Variants in ZNF490 observed in about 807,000 individuals in gnomAD.
ZNF490 encodes zinc finger protein 490.
Under a neutral mutation model 17.7 loss-of-function variants are expected in ZNF490, and 11 were observed. That is an observed-to-expected ratio of 0.62 (90% CI 0.39 to 1.03). The LOEUF (loss-of-function observed/expected upper bound fraction) is 1.03. Among genes scored for constraint, ZNF490 ranks in the 50% least tolerant of loss-of-function variants. The pLI, the probability that ZNF490 is intolerant of heterozygous loss-of-function variation, is 0.00. For synonymous variants in ZNF490, 222 were observed against 216.1 expected, an observed-to-expected ratio of 1.03 and a Z score of -0.24; for missense variants, 542 against 643.4, an observed-to-expected ratio of 0.84 and a Z score of 1.71.
intron 2 of ZNF490, among the ~76,000 whole-genome samples, chr19:12,583,789 C>CTATATA (rs1568278605): frequency 1.3e-4 from 11 of 87,876 alleles, no homozygotes; most frequent in Non-Finnish European, 1.6e-4. Flanking sequence ...CTCTCTCTCT[C>CTATATA]TCTATATATA....
chr19:12,604,221 A>G (rs758324647), intron 2 of ZNF490, among the ~76,000 whole-genome samples: 1 of 152,244 alleles, frequency 6.6e-6, no homozygotes, highest in Non-Finnish European at 1.5e-5. Flanking sequence ...ATCATTTAAA[A>G]TATCCTTTGT....
chr19:12,577,369 C>T lies in ZNF490; in HGVS notation c.*3116G>A, dbSNP rs775003212. On this transcript the variant is annotated 3_prime_UTR_variant, in exon 5 of 5. Transcript: ENST00000311437. The stretch of plus-strand genomic sequence containing the variant: ...AGATGGCTCCTTGAGCCCATTCTGA[C>T]AGTGAAGGAATCTCGAACTTCCTGA... 1.1e-6 allele frequency: 1 copy of T among 922,880 alleles called. No individual in the cohort carries two copies. Among genetic ancestry groups the T allele is most frequent in the Non-Finnish European group, 1.3e-6 (1 of 772,866 alleles). The allele number at this position is 922,880 out of a possible 1,614,324, so 57.2% of individuals were successfully genotyped here. A position where few individuals can be genotyped will look rare whatever the true frequency, so the allele number is the denominator to read the frequency against.
intron 2 of ZNF490, among the ~76,000 whole-genome samples, chr19:12,594,126 A>C (rs1472552417): frequency 1.3e-5 from 2 of 152,102 alleles, no homozygotes; most frequent in Non-Finnish European, 2.9e-5. Flanking sequence ...TGGACAACTT[A>C]TGGTCATCAT....
At chr19:12,583,754 GCGCT>G (rs1460642031) in intron 2 of ZNF490, among the ~76,000 whole-genome samples, 198 bp from the exon 3 acceptor site, 1,253 of 69,508 alleles carry the variant, frequency 0.018, 20 homozygotes, top group Non-Finnish European at 0.022. Flanking sequence ...AAAAATTATT[GCGCT>G]CTCTCTCTCT....
Position 12,580,820 on chromosome 19 carries a change from C to T in ZNF490, c.1255G>A (p.Glu419Lys), listed in dbSNP as rs73497762. The T allele has an allele frequency of 1.8e-3, 2,881 of 1,614,136 alleles. 31 individuals are homozygous for T. The African/African-American group carries it at 0.026, about 15-fold the overall frequency. ...AAGGCTTTACCACATTCTTTACATT[C>T]GTAAGTTTTCTCGCCAGTGTGAACT... ...ERVHTGEKTY[E>K]CKECGKAFLY... is the part of the protein sequence containing the mutation. Residue 419 changes from glutamate to lysine, a missense_variant, in exon 5 of 5, where the codon GAA (glutamate) becomes AAA (lysine). Transcript: ENST00000311437.
chr19:12,607,736 CAAAA>C (rs34773066), intron 2 of ZNF490, among the ~76,000 whole-genome samples: 2 of 137,056 alleles, frequency 1.5e-5, no homozygotes. Flanking sequence ...ATCCCTGTCT[CAAAA>C]AAAAAAAAAA....
In ZNF490 at chr19:12,598,517, G is replaced by T. The variant is rs138076126; in HGVS notation, c.162+10641C>A. 9.0e-3 allele frequency among the ~76,000 whole-genome samples: 1,360 copies of T among 151,164 alleles called. 15 individuals are homozygous for T. Among genetic ancestry groups the T allele is most frequent in the Middle Eastern group, 0.031 (9 of 294 alleles). On this transcript the variant is annotated intron_variant, in intron 2 of 4. Transcript: ENST00000311437. ...AGCCTCCCGAGTAGCTGGAATTACA[G>T]GCATGAGCCACCACGCCCGGCTAAT...
At chr19:12,609,303 G>C (rs1314763064) in intron 1 of ZNF490, 101 bp from the exon 2 acceptor site, 1 of 953,024 alleles carries the variant, frequency 1.0e-6, no homozygotes, top group African/African-American at 1.6e-5. Flanking sequence ...GCATCTACCT[G>C]TACACACAGA....
chr19:12,590,726 A>G (rs369172989), intron 2 of ZNF490, among the ~76,000 whole-genome samples: 2 of 152,298 alleles, frequency 1.3e-5, no homozygotes, highest in South Asian at 4.1e-4. Context: ...AGCTCAACAT[A>G]TAAGGCCAAC....
At chr19:12,596,390 T>C (rs1193550344) in intron 2 of ZNF490, among the ~76,000 whole-genome samples, 1 of 151,134 alleles carries the variant, frequency 6.6e-6, no homozygotes, top group East Asian at 1.9e-4. Flanking sequence ...GAAAGGTAAA[T>C]ACATTCACAA....
Position 12,581,408 on chromosome 19 carries a change from C to T in ZNF490, c.667G>A (p.Glu223Lys), listed in dbSNP as rs1159928952. 1 of 1,614,030 alleles carries T rather than the reference C, an allele frequency of 6.2e-7. No homozygotes were observed. Among genetic ancestry groups the T allele is most frequent in the Non-Finnish European group, 8.5e-7 (1 of 1,179,988 alleles). The change falls in exon 5 of 5, where the codon GAA (glutamate) becomes AAA (lysine). Residue 223 changes from glutamate (E) to lysine (K), a missense_variant. By Grantham distance (56) the Glu-to-Lys change is moderately conservative. Transcript: ENST00000311437. ...ERIHTGEKPY[E>K]CKECGKAFAF... Reference sequence around the variant, plus strand: ...AAGGCTTTGCCACATTCCTTACATTCATAGGGTTTCTCTCCAGTGTGAATT... The same window carrying T: ...AAGGCTTTGCCACATTCCTTACATTTATAGGGTTTCTCTCCAGTGTGAATT...
At position 12,580,214 on chromosome 19, in the gene ZNF490, C is replaced by T. The variant is rs765503066; in HGVS notation, c.*271G>A. On this transcript the variant is annotated 3_prime_UTR_variant, in exon 5 of 5. Transcript: ENST00000311437. Reference sequence around the variant, plus strand: ...ATTCTCAGGTGTCTTTAAAAGATTACGTGAAGTGAAGGCTTTCCTACACTC... The same window carrying T: ...ATTCTCAGGTGTCTTTAAAAGATTATGTGAAGTGAAGGCTTTCCTACACTC... The T allele has an allele frequency of 1.8e-4, 212 of 1,193,600 alleles. No homozygotes were observed. Among genetic ancestry groups the T allele is most frequent in the Admixed American group, 2.0e-4 (5 of 24,948 alleles). 73.9% of individuals were successfully genotyped at this position (1,193,600 alleles called of 1,614,324 possible). A position where few individuals can be genotyped will look rare whatever the true frequency, so the allele number is the denominator to read the frequency against.
At chr19:12,583,807 A>ATTTT (rs1568278640) in intron 2 of ZNF490, among the ~76,000 whole-genome samples, 36 of 112,362 alleles carry the variant, frequency 3.2e-4, no homozygotes, top group African/African-American at 1.3e-3. Context: ...ATATATATAT[A>ATTTT]TATATTTTTT....
intron 2 of ZNF490, among the ~76,000 whole-genome samples, chr19:12,598,860 A>C (rs2022966632): frequency 6.6e-6 from 1 of 151,484 alleles, no homozygotes; most frequent in Non-Finnish European, 1.5e-5. Flanking sequence ...GGTGGCGCGC[A>C]CCTGTAGTCC....
intron 2 of ZNF490, among the ~76,000 whole-genome samples, chr19:12,593,469 C>T (rs568854253): frequency 2.6e-5 from 4 of 152,086 alleles, no homozygotes; most frequent in East Asian, 1.9e-4. Context: ...AGGCTGGTCT[C>T]GAACTCCTGA....
chr19:12,600,946 C>T (rs1458900067), intron 2 of ZNF490, among the ~76,000 whole-genome samples: 1 of 152,080 alleles, frequency 6.6e-6, no homozygotes, highest in African/African-American at 2.4e-5. Context: ...AAAAATTAGC[C>T]AGGTGTGGTG....
Position 12,587,415 on chromosome 19 carries a change from C to T in ZNF490, c.163-3859G>A, listed in dbSNP as rs1170518236. ...TCCCAAAATGCTGGGATTACAGGTG[C>T]GAGCCACCATACCTAGGCCAACAAA... is the stretch of plus-strand genomic sequence containing the variant. On this transcript the variant is annotated intron_variant, in intron 2 of 4. Coordinates refer to ENST00000311437, the MANE Select transcript of ZNF490 (RefSeq NM_020714.3). Among the ~76,000 whole-genome samples, 2 of 70,892 alleles carry T rather than the reference C, an allele frequency of 2.8e-5. 1 individual carries two copies. Among genetic ancestry groups the T allele is most frequent in the Non-Finnish European group, 7.0e-5 (2 of 28,648 alleles). The allele number at this position is 70,892 out of a possible 152,430, so 46.5% of individuals were successfully genotyped here.
At chr19:12,583,280 C>A in intron 3 of ZNF490, 150 bp downstream of exon 3, 1 of 836,470 alleles carries the variant, frequency 1.2e-6, no homozygotes, top group East Asian at 3.2e-5. Context: ...ACCTCTTAAT[C>A]CGCCCGCCTC....
chr19:12,610,530 G>A, intron 1 of ZNF490, 34 bp downstream of exon 1: 1 of 1,511,284 alleles, frequency 6.6e-7, no homozygotes. Flanking sequence ...TATTCCACGA[G>A]AGGCCTTACA....
Sources: gnomAD v4.1 joint callset for allele counts (sites outside exome capture counted in the v4.1 genomes callset) on GRCh38, gnomAD v4.1.1 for gene constraint, MANE v1.5 for transcripts, NCBI Gene and HGNC (gene_info 2026-07-23, HGNC 2026-07-21) for gene names.